Variants in EDDM13 observed in about 807,000 individuals in gnomAD.
EDDM13 encodes epididymal protein 13.
Under a neutral mutation model 17.8 loss-of-function variants are expected in EDDM13, and 24 were observed. The observed-to-expected ratio is 1.35, with a 90% CI of 0.98 to 1.90. EDDM13 has a LOEUF of 1.90. EDDM13 is among the 40% of genes most tolerant of loss of function. The pLI is 0.00. For missense variants in EDDM13, 97 were observed against 100.8 expected (o/e 0.96, Z 0.16); for synonymous variants, 31 against 37.5 (o/e 0.83, Z 0.63).
At chr19:56,281,960 GAGAAC>G (rs2038744085) in intron 3 of EDDM13, among the ~76,000 whole-genome samples, 2 of 152,204 alleles carry the variant, frequency 1.3e-5, no homozygotes, top group Non-Finnish European at 2.9e-5. Flanking sequence ...CAGAGAGAAA[GAGAAC>G]CTGTGTGGTG....
intron 8 of EDDM13, among the ~76,000 whole-genome samples, 137 bp from the exon 9 acceptor site, chr19:56,290,704 A>C: frequency 6.6e-6 from 1 of 152,172 alleles, no homozygotes. Flanking sequence ...TATGAAATAT[A>C]AATACATAAA....
chr19:56,302,532 C>CCTT (rs752555827), intron 13 of EDDM13, among the ~76,000 whole-genome samples: 1 of 26,634 alleles, frequency 3.8e-5, no homozygotes, highest in Non-Finnish European at 1.3e-4. Flanking sequence ...CTCCCTCCCT[C>CCTT]TTCTTCCTCC....
intron 14 of EDDM13, among the ~76,000 whole-genome samples, chr19:56,308,161 G>A (rs2040818349): frequency 6.6e-6 from 1 of 152,218 alleles, no homozygotes; most frequent in Non-Finnish European, 1.5e-5. Context: ...AGCCTCCCAA[G>A]TAGCTGGGAC....
At chr19:56,288,620 C>T (rs1288588329) in intron 7 of EDDM13, among the ~76,000 whole-genome samples, 182 bp downstream of exon 7, 10 of 152,198 alleles carry the variant, frequency 6.6e-5, no homozygotes, top group Admixed American at 1.3e-4. Flanking sequence ...CCATACCTTG[C>T]GTGATGCCCA....
chr19:56,304,695 C>T (rs976012570), intron 13 of EDDM13, 98 bp from the exon 14 acceptor site: 7 of 683,250 alleles, frequency 1.0e-5, no homozygotes, highest in East Asian at 1.4e-4. Flanking sequence ...GGGAAAGAAG[C>T]GAGAGGGGGA....
intron 12 of EDDM13, chr19:56,298,110 T>C (rs1388497487): frequency 6.6e-6 from 1 of 150,506 alleles, no homozygotes; most frequent in African/African-American, 2.4e-5. Context: ...TGGTTGGTTC[T>C]TTTGAAAAGC....
intron 4 of EDDM13, among the ~76,000 whole-genome samples, chr19:56,282,752 T>A (rs2038810358): frequency 6.6e-6 from 1 of 152,220 alleles, no homozygotes; most frequent in South Asian, 2.1e-4. Context: ...CGCACATGGC[T>A]CAAGGAAAGC....
At chr19:56,274,762 GT>G (rs36109008) in intron 1 of EDDM13, 63,421 of 151,938 alleles carry the variant, frequency 0.42, 14,451 homozygotes, top group Non-Finnish European at 0.51. Flanking sequence ...TTTCAATTAA[GT>G]TTTTTGTTTT....
chr19:56,292,471 T>A (rs905453061), intron 9 of EDDM13, among the ~76,000 whole-genome samples: 3 of 151,488 alleles, frequency 2.0e-5, no homozygotes, highest in African/African-American at 7.3e-5. Flanking sequence ...TTTTTTTTTT[T>A]ACTTTTTTGT....
chr19:56,282,118 G>A (rs1195287444), intron 3 of EDDM13, among the ~76,000 whole-genome samples: 2 of 152,142 alleles, frequency 1.3e-5, no homozygotes, highest in Non-Finnish European at 2.9e-5. Flanking sequence ...GGTACAGGGT[G>A]GGTAAGACGT....
intron 2 of EDDM13, among the ~76,000 whole-genome samples, chr19:56,280,938 G>A (rs892533373): frequency 6.6e-6 from 1 of 152,154 alleles, no homozygotes; most frequent in African/African-American, 2.4e-5. Context: ...CAATGTGAGA[G>A]TTAGGGGCAC....
At chr19:56,279,694 T>A (rs1193656549) in intron 2 of EDDM13, among the ~76,000 whole-genome samples, 1 of 152,192 alleles carries the variant, frequency 6.6e-6, no homozygotes, top group Non-Finnish European at 1.5e-5. Context: ...TGCCTGCAGA[T>A]AACATTTTGG....
chr19:56,302,484 C>CCATCCTTCTT (rs1455116491), intron 13 of EDDM13, among the ~76,000 whole-genome samples: 1 of 127,062 alleles, frequency 7.9e-6, no homozygotes, highest in African/African-American at 3.2e-5. Flanking sequence ...TTCTTCCTTC[C>CCATCCTTCTT]CATCCTTCTT....
chr19:56,281,290 T>C (rs911678041), intron 2 of EDDM13, among the ~76,000 whole-genome samples: 2 of 152,162 alleles, frequency 1.3e-5, no homozygotes, highest in Admixed American at 6.5e-5. Flanking sequence ...CAGAAGAAAA[T>C]GCACATCTAA....
At chr19:56,274,930 G>C (rs766037009) in intron 1 of EDDM13, 1 of 152,166 alleles carries the variant, frequency 6.6e-6, no homozygotes, top group South Asian at 2.1e-4. Context: ...GAAGAGCTCT[G>C]ATCAGTTGTT....
At chr19:56,285,060 T>A (rs1211687477) in intron 6 of EDDM13, 36 bp downstream of exon 6, 1 of 980,138 alleles carries the variant, frequency 1.0e-6, no homozygotes, top group African/African-American at 1.8e-5. Context: ...AACCTGGTCT[T>A]TCTCTTGTCC....
At chr19:56,281,766 TGAAA>T (rs1568689761) in intron 3 of EDDM13, 68 bp downstream of exon 3, 27 of 949,230 alleles carry the variant, frequency 2.8e-5, no homozygotes, top group Non-Finnish European at 3.4e-5. Context: ...AGGAAGGGAA[TGAAA>T]GAGAGAGGCA....
chr19:56,290,163 G>T (rs1176606674), intron 8 of EDDM13, among the ~76,000 whole-genome samples: 1 of 152,186 alleles, frequency 6.6e-6, no homozygotes, highest in East Asian at 1.9e-4. Flanking sequence ...TGGGTCCCAG[G>T]AATCTGTCCT....
intron 8 of EDDM13, among the ~76,000 whole-genome samples, 42 bp from the exon 9 acceptor site, chr19:56,290,799 C>G (rs1307943279): frequency 6.6e-6 from 1 of 152,182 alleles, no homozygotes; most frequent in Non-Finnish European, 1.5e-5. Context: ...TCACTCTTCT[C>G]CACACTGACT....
Sources: gnomAD v4.1 joint callset for allele counts (sites outside exome capture counted in the v4.1 genomes callset) on GRCh38, gnomAD v4.1.1 for gene constraint, MANE v1.5 for transcripts, NCBI Gene and HGNC (gene_info 2026-07-23, HGNC 2026-07-21) for gene names.